PFKFB3: variants seen among roughly 807,000 people sequenced by gnomAD.
PFKFB3 encodes 6-phosphofructo-2-kinase/fructose-2,6-bisphosphatase 3.
PFKFB3 carries 33 observed loss-of-function variants against 68.0 expected under a neutral mutation model. That is an observed-to-expected ratio of 0.49 (90% CI 0.37 to 0.65). PFKFB3 has a LOEUF of 0.65. Among genes scored for constraint, PFKFB3 ranks in the 30% least tolerant of loss-of-function variants. The pLI is 0.00. For missense variants in PFKFB3, 586 were observed against 712.2 expected (o/e 0.82, Z 2.02); for synonymous variants, 315 against 288.2 (o/e 1.09, Z -0.94).
chr10:6,157,506 A>G (rs895614410), intron 1 of PFKFB3, among the ~76,000 whole-genome samples: 10 of 152,138 alleles, frequency 6.6e-5, no homozygotes, highest in East Asian at 1.9e-4. Flanking sequence ...GATTACAGGC[A>G]TGAGCCACGG....
the PFKFB3 span, among the ~76,000 whole-genome samples, chr10:6,263,003 G>A: frequency 6.6e-6 from 1 of 152,122 alleles, no homozygotes. Context: ...TAACCCAGCA[G>A]CGCTAGAGGA....
At chr10:6,175,929 A>T (rs932870051) in intron 1 of PFKFB3, among the ~76,000 whole-genome samples, 1 of 152,242 alleles carries the variant, frequency 6.6e-6, no homozygotes, top group Non-Finnish European at 1.5e-5. Context: ...TCTTGGCAGC[A>T]TTTACCAGAG....
In PFKFB3 at chr10:6,210,364, GTTT is replaced by G. The variant is rs1375867755; in HGVS notation, c.77-3247_77-3245del. The stretch of plus-strand genomic sequence containing the variant: ...TTTTTTTGTTTTTTTTTGTTTTTTT[GTTT>G]TTTTTTTTTTTGAGACGAAGTTTCG... On this transcript the variant is annotated intron_variant, in intron 1 of 14. Transcript: ENST00000379775. 5.1e-5 allele frequency among the ~76,000 whole-genome samples: 3 copies of G among 58,638 alleles called. 1 individual carries two copies. The highest frequency in any genetic ancestry group is 5.1e-4 in the East Asian group (1 of 1,972). 38.5% of individuals were successfully genotyped at this position (58,638 alleles called of 152,430 possible). A position where few individuals can be genotyped will look rare whatever the true frequency, so the allele number is the denominator to read the frequency against.
intron 14 of PFKFB3, among the ~76,000 whole-genome samples, chr10:6,227,676 G>GCTTT (rs1367505455): frequency 6.6e-6 from 1 of 152,194 alleles, no homozygotes; most frequent in African/African-American, 2.4e-5. Context: ...TGGAGGCCTG[G>GCTTT]CTTTGGTGGT....
chr10:6,237,509 TAAC>T (rs1846042456), downstream of PFKFB3, among the ~76,000 whole-genome samples: 1 of 152,244 alleles, frequency 6.6e-6, no homozygotes, highest in South Asian at 2.1e-4. Flanking sequence ...AATATTGTAT[TAAC>T]AAAAATTCAA....
chr10:6,264,803 A>C, the PFKFB3 span, among the ~76,000 whole-genome samples: 1 of 152,132 alleles, frequency 6.6e-6, no homozygotes, highest in African/African-American at 2.4e-5. Flanking sequence ...AGATTGCATA[A>C]ATCAGGCTCC....
the PFKFB3 span, chr10:6,293,820 T>C: frequency 7.4e-6 from 3 of 407,436 alleles, no homozygotes; most frequent in South Asian, 4.3e-5. Context: ...CACCATTGAT[T>C]TGGAGTACTT....
rs556517314 is a variant in PFKFB3, at chr10:6,158,799, G to A, written c.16+13786G>A. On this transcript the variant is annotated intron_variant, in intron 1 of 14. Coordinates refer to the PFKFB3 transcript ENST00000379789. ...AGAGAATCGCTTGAACCTAAGAGGC[G>A]GAGGCTGCAGTGAGCTGAAATCGCA... Among the ~76,000 whole-genome samples the A allele has an allele frequency of 7.9e-5, 12 of 152,052 alleles. No individual in the cohort carries two copies. In the South Asian group the frequency reaches 2.3e-3, roughly 29 times the overall value.
intron 1 of PFKFB3, among the ~76,000 whole-genome samples, chr10:6,206,983 A>T (rs987212588): frequency 7.5e-5 from 11 of 147,368 alleles, no homozygotes; most frequent in African/African-American, 2.6e-4. Context: ...GGCTCCTCAC[A>T]TCCCAGACGA....
At chr10:6,152,947 A>C (rs1327712499) in intron 1 of PFKFB3, among the ~76,000 whole-genome samples, 1 of 152,146 alleles carries the variant, frequency 6.6e-6, no homozygotes, top group Non-Finnish European at 1.5e-5. Flanking sequence ...TGGGAGGCTG[A>C]GGTGGGCAGA....
At chr10:6,237,446 AGAAAG>A (rs1243529407), downstream of PFKFB3, among the ~76,000 whole-genome samples, 1 of 152,276 alleles carries the variant, frequency 6.6e-6, no homozygotes, top group Non-Finnish European at 1.5e-5. Flanking sequence ...GCTTTATAGA[AGAAAG>A]GAAATGTGAG....
Position 6,203,224 on chromosome 10 carries a change from G to T in PFKFB3, c.-37G>T, listed in dbSNP as rs570689483. ...GCTCTCCTGCCAGCGTCGGGATCTC[G>T]GCCCCGGGAGGCGGGCCGTCGGGCG... On this transcript the variant is annotated 5_prime_UTR_variant, in exon 1 of 15. Transcript: ENST00000379775. 3.1e-6 allele frequency: 5 copies of T among 1,599,400 alleles called. No individual in the cohort carries two copies. The Admixed American group carries it at 6.8e-5, about 22-fold the overall frequency.
At chr10:6,264,131 G>A in the PFKFB3 span, among the ~76,000 whole-genome samples, 13 of 152,208 alleles carry the variant, frequency 8.5e-5, no homozygotes, top group African/African-American at 2.9e-4. Flanking sequence ...TTGGAAGGTT[G>A]CCTTTTCCCA....
chr10:6,175,906 A>T (rs940244125), intron 1 of PFKFB3, among the ~76,000 whole-genome samples: 1 of 152,250 alleles, frequency 6.6e-6, no homozygotes, highest in Non-Finnish European at 1.5e-5. Flanking sequence ...CAGAGTAGAA[A>T]TCCATACAAT....
rs769821429 is a variant in PFKFB3, at chr10:6,216,791, C to T, written c.441+11C>T. The T allele has an allele frequency of 1.0e-5, 16 of 1,603,248 alleles. No individual in the cohort carries two copies. Among genetic ancestry groups the T allele is most frequent in the Admixed American group, 3.3e-5 (2 of 59,990 alleles). On this transcript the variant is annotated intron_variant, in intron 5 of 14. Transcript: ENST00000379775. ...GAAAATGACTTTAAGGTGAGCTGAG[C>T]GTCTTGTGTTGTGCTAGAGGGCTCG...
intron 1 of PFKFB3, chr10:6,146,588 T>C: frequency 1.6e-6 from 2 of 1,242,652 alleles, no homozygotes; most frequent in Non-Finnish European, 2.2e-6. Flanking sequence ...GACAATCATT[T>C]ATCTCTGACT....
chr10:6,304,791 G>A, the PFKFB3 span, among the ~76,000 whole-genome samples: 1 of 148,296 alleles, frequency 6.7e-6, no homozygotes, highest in African/African-American at 2.5e-5. Flanking sequence ...AAAGTGTTGG[G>A]ATTACAGTCA....
At chr10:6,311,411 GGTTC>G in the PFKFB3 span, among the ~76,000 whole-genome samples, 1 of 152,074 alleles carries the variant, frequency 6.6e-6, no homozygotes, top group Non-Finnish European at 1.5e-5. Context: ...GAACCTCTCA[GGTTC>G]CCTACGGAAG....
At chr10:6,188,897 C>T (rs763470336) in intron 1 of PFKFB3, among the ~76,000 whole-genome samples, 10 of 146,836 alleles carry the variant, frequency 6.8e-5, no homozygotes, top group South Asian at 6.4e-4. Context: ...TGCAGTGGCG[C>T]GATCTCGGCT....
Sources: allele counts gnomAD v4.1 joint callset (sites outside exome capture counted in the v4.1 genomes callset), GRCh38; gene constraint gnomAD v4.1.1; transcripts MANE v1.5; gene names NCBI Gene and HGNC (gene_info 2026-07-23, HGNC 2026-07-21).